Variants in TAF4B observed in about 807,000 individuals in gnomAD.
TAF4B encodes the protein TATA-box binding protein associated factor 4b.
TAF4B carries 38 observed loss-of-function variants against 86.4 expected under a neutral mutation model. The ratio of observed to expected loss-of-function variants is 0.44; its 90% CI spans 0.34 to 0.58. The LOEUF (loss-of-function observed/expected upper bound fraction) is 0.58, where lower values mean the gene tolerates loss of function less well. Among genes scored for constraint, TAF4B ranks in the 20% least tolerant of loss-of-function variants. The pLI is 0.02. For missense variants in TAF4B, 988 were observed against 1,027.6 expected, an observed-to-expected ratio of 0.96 and a Z score of 0.53; for synonymous variants, 388 against 391.2, an observed-to-expected ratio of 0.99 and a Z score of 0.10.
intron 1 of TAF4B, among the ~76,000 whole-genome samples, chr18:26,246,838 T>G (rs2055933149): frequency 6.6e-6 from 1 of 151,804 alleles, no homozygotes; most frequent in African/African-American, 2.4e-5. Context: ...TGGCCTAATC[T>G]CATTCTTTTT....
At chr18:26,273,073 A>G (rs562559764) in intron 3 of TAF4B, among the ~76,000 whole-genome samples, 2 of 152,320 alleles carry the variant, frequency 1.3e-5, no homozygotes, top group South Asian at 4.1e-4. Flanking sequence ...GAAATATGTT[A>G]CAGACCTTTC....
In TAF4B at chr18:26,241,392, C is replaced by G. The variant is rs2055836486; in HGVS notation, c.343+14116C>G. 3.3e-5 allele frequency among the ~76,000 whole-genome samples: 5 copies of G among 152,284 alleles called. No individual in the cohort carries two copies. In the South Asian group the frequency reaches 1.0e-3, roughly 32 times the overall value. ...TGCGTAGAGGAGTTTATAGTATTCT[C>G]TGATGGTAGTTTGTATTTCTGTGGG... On this transcript the variant is annotated intron_variant, in intron 1 of 14. Coordinates refer to ENST00000269142, the MANE Select transcript of TAF4B (RefSeq NM_005640.3).
chr18:26,384,845 G>A (rs1465743733), intron 14 of TAF4B, among the ~76,000 whole-genome samples: 7 of 152,196 alleles, frequency 4.6e-5, no homozygotes, highest in Non-Finnish European at 1.0e-4. Flanking sequence ...TTCGGAAACT[G>A]AGGCACAGAG....
chr18:26,330,754 C>T (rs1213039903), intron 12 of TAF4B, among the ~76,000 whole-genome samples: 1 of 152,182 alleles, frequency 6.6e-6, no homozygotes, highest in Non-Finnish European at 1.5e-5. Context: ...TACCCTTAAT[C>T]TCTCCATGTT....
Position 26,275,027 on chromosome 18 carries a change from G to A in TAF4B, c.856G>A (p.Val286Met), listed in dbSNP as rs1598747652. 1.9e-6 allele frequency: 3 copies of A among 1,611,062 alleles called. No individual in the cohort carries two copies. Among genetic ancestry groups the A allele is most frequent in the Admixed American group, 1.7e-5 (1 of 59,710 alleles). The change falls in exon 5 of 15, where the codon GTG (valine) becomes ATG (methionine). Residue 286 changes from valine (V) to methionine (M), a missense_variant. Physicochemically the swap from Val to Met is conservative, Grantham distance 21. This residue lies in a region of TAF4B where 747 missense variants were observed against 737.9 expected (regional missense o/e 1.01). Transcript: ENST00000269142. ...GSQSPEMGQNVKKLVEQLLDA... is the reference protein window; with the variant it reads ...GSQSPEMGQNMKKLVEQLLDA... ...ACAGTCCCCAGAAATGGGGCAAAAT[G>A]TGAAGAAGCTGGTGGAACAACTTTT...
intron 9 of TAF4B, among the ~76,000 whole-genome samples, chr18:26,305,131 T>C (rs1439638071): frequency 6.6e-6 from 1 of 152,230 alleles, no homozygotes; most frequent in Non-Finnish European, 1.5e-5. Flanking sequence ...TTTCGTATTA[T>C]GAGCCCAGAA....
intron 13 of TAF4B, among the ~76,000 whole-genome samples, chr18:26,356,724 ATTC>A (rs1311695971): frequency 2.0e-5 from 3 of 148,638 alleles, no homozygotes; most frequent in Admixed American, 6.7e-5. Context: ...ATTGAACATT[ATTC>A]TTCTCTTCTG....
intron 12 of TAF4B, among the ~76,000 whole-genome samples, chr18:26,328,804 G>C (rs148155732): frequency 1.2e-4 from 18 of 151,910 alleles, no homozygotes; most frequent in African/African-American, 4.1e-4. Context: ...TATTTTAGTA[G>C]TGACAGGGTT....
At chr18:26,292,410 A>T (rs375534471) in intron 8 of TAF4B, 29 bp downstream of exon 8, 10 of 1,594,636 alleles carry the variant, frequency 6.3e-6, no homozygotes, top group Non-Finnish European at 7.7e-6. Context: ...CAGTCCCATC[A>T]TGCTGGGTTA....
chr18:26,290,733 C>T lies in TAF4B; in HGVS notation c.1591-1513C>T, dbSNP rs2056581241. On this transcript the variant is annotated intron_variant, in intron 7 of 14. Coordinates refer to ENST00000269142, the MANE Select transcript of TAF4B (RefSeq NM_005640.3). ...CATTTTGATTCTGACAACTTTCACA[C>T]TGGTAAACAATTTTTGAATATTACT... Among the ~76,000 whole-genome samples the T allele has an allele frequency of 2.0e-5, 3 of 152,156 alleles. No homozygotes were observed. The South Asian group carries it at 6.2e-4, about 32-fold the overall frequency.
intron 14 of TAF4B, among the ~76,000 whole-genome samples, chr18:26,383,547 T>A (rs1978303596): frequency 6.6e-6 from 1 of 152,172 alleles, no homozygotes; most frequent in South Asian, 2.1e-4. Flanking sequence ...CAATTGGAAA[T>A]CATTAAGAAA....
intron 1 of TAF4B, among the ~76,000 whole-genome samples, chr18:26,253,281 A>G (rs372758334): frequency 6.6e-6 from 1 of 152,126 alleles, no homozygotes; most frequent in African/African-American, 2.4e-5. Context: ...TTTTTATCTG[A>G]AAGAAAGGCT....
At chr18:26,335,411 C>G (rs2057082990) in intron 13 of TAF4B, among the ~76,000 whole-genome samples, 180 bp downstream of exon 13, 2 of 152,100 alleles carry the variant, frequency 1.3e-5, no homozygotes, top group Non-Finnish European at 2.9e-5. Context: ...GTTATGTGCT[C>G]TCTTTTTAAA....
chr18:26,371,372 T>C (rs190180561), intron 14 of TAF4B, among the ~76,000 whole-genome samples: 26 of 152,270 alleles, frequency 1.7e-4, no homozygotes, highest in African/African-American at 6.3e-4. Context: ...ACCATTTCCT[T>C]ATTTCTCTAT....
intron 14 of TAF4B, among the ~76,000 whole-genome samples, chr18:26,385,684 T>TTTG (rs1567934042): frequency 2.1e-5 from 3 of 142,580 alleles, no homozygotes; most frequent in Admixed American, 7.2e-5. Flanking sequence ...ACAGCGTTTT[T>TTTG]TTTTTTTTTT....
chr18:26,330,234 T>A lies in TAF4B; in HGVS notation c.2259+3094T>A, dbSNP rs555386292. On this transcript the variant is annotated intron_variant, in intron 12 of 14. Coordinates refer to ENST00000269142, the MANE Select transcript of TAF4B (RefSeq NM_005640.3). The stretch of plus-strand genomic sequence containing the variant: ...CTACCATGTGGAAGAGCTTTCCTTC[T>A]TTATTCATATTAGTATGGGCTAATG... 2.6e-5 allele frequency among the ~76,000 whole-genome samples: 4 copies of A among 152,356 alleles called. No homozygotes were observed. In the South Asian group the frequency reaches 8.3e-4, roughly 32 times the overall value.
intron 1 of TAF4B, among the ~76,000 whole-genome samples, chr18:26,237,209 A>G (rs1490459793): frequency 1.3e-5 from 2 of 152,308 alleles, no homozygotes; most frequent in African/African-American, 2.4e-5. Context: ...CTTGACTAAG[A>G]GACCAGGTAT....
At chr18:26,349,742 G>A (rs2057229285) in intron 13 of TAF4B, among the ~76,000 whole-genome samples, 1 of 152,154 alleles carries the variant, frequency 6.6e-6, no homozygotes, top group Non-Finnish European at 1.5e-5. Flanking sequence ...ACCTCAAATA[G>A]CCAAAGCCAT....
At chr18:26,299,583 T>C (rs1401347410) in intron 9 of TAF4B, among the ~76,000 whole-genome samples, 5 of 152,186 alleles carry the variant, frequency 3.3e-5, no homozygotes, top group African/African-American at 1.2e-4. Context: ...TTTTAAGCTT[T>C]TGTGTAGAAT....
Sources: allele counts gnomAD v4.1 joint callset (sites outside exome capture counted in the v4.1 genomes callset), GRCh38; gene constraint gnomAD v4.1.1; regional missense constraint gnomAD v4.1.1; transcripts MANE v1.5; gene names NCBI Gene and HGNC (gene_info 2026-07-23, HGNC 2026-07-21).